Variants in GPC5 observed in about 807,000 individuals in gnomAD.
GPC5 encodes the protein glypican 5, also known as glypican-5.
In GPC5, 47 loss-of-function variants were observed where a neutral mutation model predicts 53.9. The ratio of observed to expected loss-of-function variants is 0.87; its 90% CI spans 0.69 to 1.11. The LOEUF (loss-of-function observed/expected upper bound fraction) is 1.11. Among genes scored for constraint, GPC5 ranks in the 50% most tolerant of loss-of-function variants. The probability of loss-of-function intolerance (pLI) is 0.00; values close to 1 mark genes in which losing one functional copy is unlikely to be tolerated. For synonymous variants in GPC5, 286 were observed against 263.3 expected (o/e 1.09, Z -0.84); for missense variants, 748 against 713.1 (o/e 1.05, Z -0.56).
chr13:91,463,120 C>T (rs958561810), intron 2 of GPC5, among the ~76,000 whole-genome samples: 14 of 151,930 alleles, frequency 9.2e-5, no homozygotes, highest in Non-Finnish European at 7.4e-5. Flanking sequence ...AAGCTCAGGC[C>T]CCCCATATAA....
Position 92,033,036 on chromosome 13 carries a change from C to CGTGTGTGTGTGTGTGTGT in GPC5, c.1402-111772_1402-111755dup, listed in dbSNP as rs60958496. ...TTCTTCTGCCCGGGCTAGTTATTGTCGTGTGTGTGTGTGTGTGTGTGTGTG... is the reference window on the plus strand; with the variant it reads ...TTCTTCTGCCCGGGCTAGTTATTGTCGTGTGTGTGTGTGTGTGTGTGTGTGTGTGTGTGTGTGTGTGTG... On this transcript the variant is annotated intron_variant, in intron 6 of 7. Transcript: ENST00000377067. 2.5e-4 allele frequency among the ~76,000 whole-genome samples: 35 copies of CGTGTGTGTGTGTGTGTGT among 139,094 alleles called. 1 individual carries two copies. Among genetic ancestry groups the CGTGTGTGTGTGTGTGTGT allele is most frequent in the African/African-American group, 7.7e-4 (28 of 36,574 alleles). 91.3% of individuals were successfully genotyped at this position (139,094 alleles called of 152,430 possible).
chr13:92,704,545 A>C (rs1417340298), intron 7 of GPC5, among the ~76,000 whole-genome samples: 1 of 152,034 alleles, frequency 6.6e-6, no homozygotes, highest in Non-Finnish European at 1.5e-5. Flanking sequence ...TTCAAAATTC[A>C]TCAAATTAAA....
chr13:91,588,883 T>C (rs1229146464), intron 2 of GPC5, among the ~76,000 whole-genome samples: 2 of 152,170 alleles, frequency 1.3e-5, no homozygotes, highest in African/African-American at 4.8e-5. Context: ...TGTCATTGTC[T>C]TCTTCCCTTT....
chr13:92,488,132 C>T (rs540117681), intron 7 of GPC5, among the ~76,000 whole-genome samples: 5 of 151,672 alleles, frequency 3.3e-5, no homozygotes, highest in South Asian at 4.2e-4. Context: ...TGTGTGTGCG[C>T]GTGTGTGTGT....
chr13:91,574,755 C>T (rs547275327), intron 2 of GPC5, among the ~76,000 whole-genome samples: 5 of 152,154 alleles, frequency 3.3e-5, no homozygotes, highest in African/African-American at 9.6e-5. Flanking sequence ...ATTACCTATA[C>T]ATGAAGATTA....
chr13:92,414,465 A>T (rs1447976205), intron 7 of GPC5, among the ~76,000 whole-genome samples: 7 of 151,254 alleles, frequency 4.6e-5, no homozygotes, highest in Non-Finnish European at 1.0e-4. Flanking sequence ...AGATTGTGCC[A>T]CTGCACTCCA....
intron 2 of GPC5, among the ~76,000 whole-genome samples, chr13:91,508,435 A>T (rs1885064213): frequency 1.3e-5 from 2 of 152,196 alleles, no homozygotes; most frequent in South Asian, 4.1e-4. Context: ...ATGGCATTGT[A>T]CTGGAAATTA....
At chr13:92,166,266 A>T (rs2042026405) in intron 7 of GPC5, among the ~76,000 whole-genome samples, 1 of 152,148 alleles carries the variant, frequency 6.6e-6, no homozygotes, top group African/African-American at 2.4e-5. Flanking sequence ...TTCATGGAGG[A>T]AGTACACTGG....
At chr13:92,600,891 G>C (rs2139080222) in intron 7 of GPC5, among the ~76,000 whole-genome samples, 1 of 152,116 alleles carries the variant, frequency 6.6e-6, no homozygotes, top group African/African-American at 2.4e-5. Flanking sequence ...TATGAAAATA[G>C]CCTCCCCTTG....
intron 7 of GPC5, among the ~76,000 whole-genome samples, chr13:92,680,097 G>A (rs1184944141): frequency 6.6e-6 from 1 of 152,152 alleles, no homozygotes; most frequent in East Asian, 1.9e-4. Flanking sequence ...GTTTGAGATT[G>A]TCTCATATTT....
chr13:92,138,424 A>G (rs1476642527), intron 6 of GPC5, among the ~76,000 whole-genome samples: 9 of 151,928 alleles, frequency 5.9e-5, no homozygotes, highest in Non-Finnish European at 1.2e-4. Context: ...GTAGGCTGAC[A>G]CAGGAGAATT....
In GPC5 at chr13:92,144,942, G is replaced by T; in HGVS notation, c.1514G>T (p.Gly505Val). 1 of 1,584,236 alleles carries T rather than the reference G, an allele frequency of 6.3e-7. No individual in the cohort carries two copies. The highest frequency in any genetic ancestry group is 1.7e-4 in the Middle Eastern group (1 of 5,900). Reference sequence around the variant, plus strand: ...GACTGTGATGATGAAGATGGTTGCGGGGGATCAGGAAGTGGAGAAGTCAAG... The same window carrying T: ...GACTGTGATGATGAAGATGGTTGCGTGGGATCAGGAAGTGGAGAAGTCAAG... ...SGDCDDEDGC[G>V]GSGSGEVKRT... The change falls in exon 7 of 8, where the codon GGG becomes GTG. Residue 505 changes from glycine to valine, a missense_variant. By Grantham distance (109) the Gly-to-Val change is moderately radical (BLOSUM62 -3). Coordinates refer to ENST00000377067, the MANE Select transcript of GPC5 (RefSeq NM_004466.6).
chr13:91,753,568 T>C (rs1451559702), intron 4 of GPC5, among the ~76,000 whole-genome samples: 2 of 152,180 alleles, frequency 1.3e-5, no homozygotes, highest in East Asian at 3.9e-4. Context: ...TACTCCCAAG[T>C]TGCTGCCATG....
At chr13:91,563,539 A>C (rs1412968894) in intron 2 of GPC5, among the ~76,000 whole-genome samples, 1 of 152,184 alleles carries the variant, frequency 6.6e-6, no homozygotes, top group Non-Finnish European at 1.5e-5. Flanking sequence ...ACTATTAGCA[A>C]CTTCACAGAA....
intron 2 of GPC5, among the ~76,000 whole-genome samples, chr13:91,470,297 G>A (rs1329202058): frequency 6.6e-6 from 1 of 152,110 alleles, no homozygotes; most frequent in Non-Finnish European, 1.5e-5. Flanking sequence ...GCCTGTCTGT[G>A]AAATTTCTCC....
intron 7 of GPC5, among the ~76,000 whole-genome samples, chr13:92,810,581 A>G (rs1352630132): frequency 6.6e-6 from 1 of 151,904 alleles, no homozygotes; most frequent in Non-Finnish European, 1.5e-5. Flanking sequence ...GTAATCATTA[A>G]GCAATAACTC....
chr13:92,504,495 A>G (rs1745129722), intron 7 of GPC5, among the ~76,000 whole-genome samples: 1 of 152,084 alleles, frequency 6.6e-6, no homozygotes, highest in Non-Finnish European at 1.5e-5. Context: ...TGATTCTAAA[A>G]TGTATATAGA....
At chr13:92,506,029 T>G (rs1298396310) in intron 7 of GPC5, among the ~76,000 whole-genome samples, 1 of 152,094 alleles carries the variant, frequency 6.6e-6, no homozygotes, top group African/African-American at 2.4e-5. Flanking sequence ...TCGGCCTTCT[T>G]TTCGGAGTTG....
At chr13:92,313,665 T>A (rs1329188491) in intron 7 of GPC5, among the ~76,000 whole-genome samples, 1 of 152,188 alleles carries the variant, frequency 6.6e-6, no homozygotes, top group Admixed American at 6.6e-5. Context: ...TCCATCAAAC[T>A]GTTGGATGAG....
Sources: allele counts gnomAD v4.1 joint callset (sites outside exome capture counted in the v4.1 genomes callset), GRCh38; gene constraint gnomAD v4.1.1; transcripts MANE v1.5; gene names NCBI Gene and HGNC (gene_info 2026-07-23, HGNC 2026-07-21).